Variants in ANKFN1 observed in about 807,000 individuals in gnomAD.
ANKFN1 encodes ankyrin repeat and fibronectin type-III domain-containing protein 1.
In ANKFN1, 74 loss-of-function variants were observed where a neutral mutation model predicts 108.7. The observed-to-expected ratio is 0.68, with a 90% CI of 0.56 to 0.83. ANKFN1 has a LOEUF of 0.83. Among genes scored for constraint, ANKFN1 ranks in the 40% least tolerant of loss-of-function variants. The pLI is 0.00. For missense variants in ANKFN1, 1,505 were observed against 1,382.3 expected (o/e 1.09, Z -1.41); for synonymous variants, 547 against 516.2 (o/e 1.06, Z -0.81).
At chr17:56,197,851 G>A (rs527902647) in intron 1 of ANKFN1, among the ~76,000 whole-genome samples, 1 of 152,170 alleles carries the variant, frequency 6.6e-6, no homozygotes, top group Non-Finnish European at 1.5e-5. Flanking sequence ...ATGCACAGGG[G>A]TGTGGGAAGG....
chr17:56,317,252 GA>G (rs2144485908), intron 3 of ANKFN1, among the ~76,000 whole-genome samples: 1 of 152,160 alleles, frequency 6.6e-6, no homozygotes, highest in African/African-American at 2.4e-5. Flanking sequence ...TTTTAAAAAA[GA>G]AAAAAGCCAG....
intron 3 of ANKFN1, among the ~76,000 whole-genome samples, chr17:56,309,769 A>G (rs1236743518): frequency 2.0e-5 from 3 of 152,260 alleles, no homozygotes; most frequent in African/African-American, 7.2e-5. Context: ...GTTATTAACA[A>G]CAATAACTAA....
At chr17:56,379,302 G>A (rs2047028183) in intron 8 of ANKFN1, among the ~76,000 whole-genome samples, 1 of 151,930 alleles carries the variant, frequency 6.6e-6, no homozygotes, top group Non-Finnish European at 1.5e-5. Context: ...AGGAGGCTGA[G>A]GCAGGAGAAT....
chr17:56,363,507 A>C (rs1369339384), intron 6 of ANKFN1, among the ~76,000 whole-genome samples: 2 of 152,180 alleles, frequency 1.3e-5, no homozygotes, highest in African/African-American at 4.8e-5. Context: ...ATGAAAACTA[A>C]GTGGAGTTTC....
intron 4 of ANKFN1, among the ~76,000 whole-genome samples, chr17:56,140,951 T>C (rs1011511059): frequency 6.6e-6 from 1 of 152,220 alleles, no homozygotes; most frequent in African/African-American, 2.4e-5. Context: ...GGTCACATCA[T>C]GTGTTTCTTT....
intron 4 of ANKFN1, among the ~76,000 whole-genome samples, chr17:56,342,647 C>T (rs182923803): frequency 8.6e-5 from 13 of 151,980 alleles, no homozygotes; most frequent in South Asian, 6.2e-4. Flanking sequence ...TTGATTGTAA[C>T]GTGGTCCAAG....
chr17:56,226,758 A>G (rs1916308073), intron 2 of ANKFN1, among the ~76,000 whole-genome samples: 1 of 152,180 alleles, frequency 6.6e-6, no homozygotes, highest in African/African-American at 2.4e-5. Context: ...GAGGAAATAC[A>G]ATAAGTCTGG....
At chr17:56,395,827 G>A (rs2047566592) in intron 8 of ANKFN1, among the ~76,000 whole-genome samples, 1 of 151,982 alleles carries the variant, frequency 6.6e-6, no homozygotes, top group Non-Finnish European at 1.5e-5. Flanking sequence ...CCAGCCTGGC[G>A]ACAGAGCAAG....
In ANKFN1 at chr17:56,061,667, C is replaced by T. The variant is rs186935181; in HGVS notation, c.288+15342C>T. Among the ~76,000 whole-genome samples the T allele has an allele frequency of 9.9e-5, 15 of 152,204 alleles. No homozygotes were observed. The East Asian group carries it at 2.9e-3, about 29-fold the overall frequency. On this transcript the variant is annotated intron_variant, in intron 4 of 12. Coordinates refer to the ANKFN1 transcript ENST00000635860. ...CTTCTCTCTTTTCTTCTTTATTAGT[C>T]TAGCTAGCAATCTATCTATTTTGTT...
At chr17:56,366,305 C>T (rs1213926239) in intron 6 of ANKFN1, among the ~76,000 whole-genome samples, 2 of 152,104 alleles carry the variant, frequency 1.3e-5, no homozygotes, top group African/African-American at 4.8e-5. Context: ...AAAAGAGTTA[C>T]AAAATGTGTG....
chr17:56,218,891 C>T (rs1012803609), intron 2 of ANKFN1, among the ~76,000 whole-genome samples: 1 of 152,142 alleles, frequency 6.6e-6, no homozygotes, highest in Non-Finnish European at 1.5e-5. Context: ...TTCTGCAAAC[C>T]TATTATCATC....
In ANKFN1 at chr17:56,284,386, A is replaced by G. The variant is rs938181430; in HGVS notation, c.54-41835A>G. ...TTGTCTTTAAAAGTATGAGATGAAA[A>G]TACTCCTATGATATTTCCTTTTTTT... On this transcript the variant is annotated intron_variant, in intron 3 of 20. Coordinates refer to ENST00000682825, the MANE Select transcript of ANKFN1 (RefSeq NM_001370326.1). Among the ~76,000 whole-genome samples, 6 of 152,336 alleles carry G rather than the reference A, an allele frequency of 3.9e-5. No homozygotes were observed. The East Asian group carries it at 1.2e-3, about 29-fold the overall frequency.
intron 4 of ANKFN1, among the ~76,000 whole-genome samples, chr17:56,073,426 C>T (rs1271724546): frequency 6.6e-6 from 1 of 152,194 alleles, no homozygotes; most frequent in Non-Finnish European, 1.5e-5. Context: ...TGCTTTGTTC[C>T]ATATTTATGT....
chr17:56,407,936 T>C (rs1033406650), intron 8 of ANKFN1, among the ~76,000 whole-genome samples: 3 of 130,242 alleles, frequency 2.3e-5, no homozygotes, highest in Admixed American at 1.5e-4. Context: ...TTTATCTTTT[T>C]TTTTTTTTTT....
chr17:56,464,179 T>C (rs2050001090), intron 14 of ANKFN1, among the ~76,000 whole-genome samples: 1 of 152,178 alleles, frequency 6.6e-6, no homozygotes, highest in African/African-American at 2.4e-5. Context: ...CCTAATTTGA[T>C]GTCAATAAAA....
chr17:56,221,689 T>G (rs188346692), intron 2 of ANKFN1, among the ~76,000 whole-genome samples: 4 of 152,338 alleles, frequency 2.6e-5, no homozygotes, highest in Admixed American at 2.6e-4. Context: ...TCTGCAGATG[T>G]GACAAAGCGA....
chr17:56,235,286 T>C (rs1917042242), intron 3 of ANKFN1, among the ~76,000 whole-genome samples: 1 of 152,196 alleles, frequency 6.6e-6, no homozygotes, highest in African/African-American at 2.4e-5. Flanking sequence ...GCAAATATTT[T>C]CTCCCATGCT....
rs565297151 is a variant in ANKFN1, at chr17:56,317,396, G to A, written c.54-8825G>A. Reference sequence around the variant, plus strand: ...TAGGAAAGGTGTAAATCCCACCCACGTAGTTAAAGCTTTCTTGCTGGACTC... The same window carrying A: ...TAGGAAAGGTGTAAATCCCACCCACATAGTTAAAGCTTTCTTGCTGGACTC... On this transcript the variant is annotated intron_variant, in intron 3 of 20. Coordinates refer to ENST00000682825, the MANE Select transcript of ANKFN1 (RefSeq NM_001370326.1). 1.1e-4 allele frequency among the ~76,000 whole-genome samples: 16 copies of A among 152,252 alleles called. No individual in the cohort carries two copies. In the South Asian group the frequency reaches 2.5e-3, roughly 24 times the overall value.
At chr17:56,154,756 G>T (rs1313226830) in intron 1 of ANKFN1, among the ~76,000 whole-genome samples, 7 of 152,104 alleles carry the variant, frequency 4.6e-5, no homozygotes, top group Non-Finnish European at 8.8e-5. Flanking sequence ...TAACCAGTTA[G>T]GGGCCAGGTA....
Sources: gnomAD v4.1 joint callset for allele counts (sites outside exome capture counted in the v4.1 genomes callset) on GRCh38, gnomAD v4.1.1 for gene constraint, MANE v1.5 for transcripts, NCBI Gene and HGNC (gene_info 2026-07-23, HGNC 2026-07-21) for gene names.